The following FBXL20 variants were observed in gnomAD, a reference collection of about 807,000 sequenced individuals.
The protein encoded by FBXL20 is F-box/LRR-repeat protein 20.
In FBXL20, 11 loss-of-function variants were observed where a neutral mutation model predicts 64.0. The ratio of observed to expected loss-of-function variants is 0.17; its 90% CI spans 0.11 to 0.28. The LOEUF (loss-of-function observed/expected upper bound fraction) is 0.28, where lower values mean the gene tolerates loss of function less well. Ranked by LOEUF, FBXL20 falls within the 10% of genes least tolerant of loss-of-function variation. The pLI, the probability that FBXL20 is intolerant of heterozygous loss-of-function variation, is 1.00. For synonymous variants in FBXL20, 184 were observed against 189.0 expected, an observed-to-expected ratio of 0.97 and a Z score of 0.22; for missense variants, 303 against 526.2, an observed-to-expected ratio of 0.58 and a Z score of 4.15.
chr17:39,401,803 C>A, upstream of FBXL20: 11 of 830,402 alleles, frequency 1.3e-5, no homozygotes, highest in Non-Finnish European at 1.7e-5. Context: ...GCCCTGACGG[C>A]GCTCCCGGGA....
At position 39,261,304 on chromosome 17, in the gene FBXL20, G is replaced by GTGTA. The variant is rs1290392790; in HGVS notation, c.*152_*155dup. The stretch of plus-strand genomic sequence containing the variant: ...AGTGGATGGGGGTAAGGGTGTGTAT[G>GTGTA]TGTATGTATGTGTGGCTCTGGGGAT... On this transcript the variant is annotated 3_prime_UTR_variant, in exon 15 of 15. Transcript: ENST00000264658. 4 of 662,980 alleles carry GTGTA rather than the reference G, an allele frequency of 6.0e-6. No individual in the cohort carries two copies. The highest frequency in any genetic ancestry group is 3.5e-5 in the African/African-American group (2 of 56,616). 41.1% of individuals were successfully genotyped at this position (662,980 alleles called of 1,614,324 possible). A position where few individuals can be genotyped will look rare whatever the true frequency, so the allele number is the denominator to read the frequency against.
intron 4 of FBXL20, among the ~76,000 whole-genome samples, chr17:39,299,459 A>T (rs1175140240): frequency 1.3e-5 from 2 of 152,206 alleles, no homozygotes; most frequent in Non-Finnish European, 2.9e-5. Context: ...TACTCTGCTT[A>T]TAGTAGAGAC....
At chr17:39,323,922 C>T (rs554592513) in intron 2 of FBXL20, among the ~76,000 whole-genome samples, 15 of 150,564 alleles carry the variant, frequency 1.0e-4, no homozygotes, top group East Asian at 1.9e-4. Context: ...CCTGCCACCA[C>T]GCCTGGCTAT....
At chr17:39,378,732 C>A (rs1951493402) in intron 1 of FBXL20, among the ~76,000 whole-genome samples, 1 of 151,600 alleles carries the variant, frequency 6.6e-6, no homozygotes, top group African/African-American at 2.4e-5. Flanking sequence ...GCCTCAGCCT[C>A]CCAAGTAGCT....
At chr17:39,275,312 A>G (rs555527566) in intron 9 of FBXL20, among the ~76,000 whole-genome samples, 1 of 152,230 alleles carries the variant, frequency 6.6e-6, no homozygotes, top group Non-Finnish European at 1.5e-5. Flanking sequence ...GGAAGAAGCT[A>G]TAATAGAATC....
In FBXL20 at chr17:39,271,408, G is replaced by A. The variant is rs866467629; in HGVS notation, c.828-552C>T. ...AGGTCAGGAGTTCGAGACCAGCCTGGCCAACACGGTGAAACCCCATTTCTA... is the reference window on the plus strand; with the variant it reads ...AGGTCAGGAGTTCGAGACCAGCCTGACCAACACGGTGAAACCCCATTTCTA... On this transcript the variant is annotated intron_variant, in intron 10 of 14. Coordinates refer to ENST00000264658, the MANE Select transcript of FBXL20 (RefSeq NM_032875.3). 2.0e-5 allele frequency among the ~76,000 whole-genome samples: 3 copies of A among 151,322 alleles called. No homozygotes were observed. The South Asian group carries it at 6.3e-4, about 32-fold the overall frequency.
intron 1 of FBXL20, among the ~76,000 whole-genome samples, chr17:39,399,712 A>G (rs149930714): frequency 0.012 from 1,826 of 152,324 alleles, 70 homozygotes; most frequent in Non-Finnish European, 1.0e-2. Context: ...CTCTTAATAC[A>G]GCAACAAATT....
chr17:39,320,307 T>C (rs576624860), intron 2 of FBXL20, among the ~76,000 whole-genome samples: 7 of 152,306 alleles, frequency 4.6e-5, no homozygotes, highest in African/African-American at 1.7e-4. Flanking sequence ...TTATAGCTAC[T>C]TTAAAATTTT....
chr17:39,255,244 T>C lies in FBXL20; in HGVS notation c.*6216A>G, dbSNP rs2046684754. ...TGAGGTCAGGAGATCGAGACCATCC[T>C]GGCTAACAGGGTGAAACCCCGTCTC... On this transcript the variant is annotated 3_prime_UTR_variant, in exon 15 of 15. Coordinates refer to ENST00000264658, the MANE Select transcript of FBXL20 (RefSeq NM_032875.3). 1 of 151,768 alleles carries C rather than the reference T, an allele frequency of 6.6e-6. No homozygotes were observed. The highest frequency in any genetic ancestry group is 2.4e-5 in the African/African-American group (1 of 41,256). 9.4% of individuals were successfully genotyped at this position (151,768 alleles called of 1,614,324 possible).
chr17:39,370,811 GAA>G (rs2047911037), intron 1 of FBXL20, among the ~76,000 whole-genome samples: 1 of 147,634 alleles, frequency 6.8e-6, no homozygotes, highest in African/African-American at 2.5e-5. Flanking sequence ...AAAAAAAAAA[GAA>G]AAGAAAACAT....
intron 6 of FBXL20, among the ~76,000 whole-genome samples, chr17:39,293,260 C>T (rs1479396773): frequency 1.4e-4 from 21 of 145,014 alleles, no homozygotes; most frequent in African/African-American, 4.3e-4. Context: ...CTCGCTCTGT[C>T]GCCCAGGCTG....
intron 1 of FBXL20, among the ~76,000 whole-genome samples, chr17:39,385,425 T>G (rs1241968857): frequency 6.6e-6 from 1 of 152,146 alleles, no homozygotes; most frequent in African/African-American, 2.4e-5. Context: ...AATAGAAAAT[T>G]GTATTTTAAC....
chr17:39,327,628 A>AT (rs200009338), intron 2 of FBXL20, among the ~76,000 whole-genome samples: 2,177 of 152,300 alleles, frequency 0.014, 53 homozygotes, highest in African/African-American at 0.049. Context: ...CAAAAACCAT[A>AT]TATTTATTAA....
chr17:39,366,563 A>C (rs1261001191), intron 1 of FBXL20, among the ~76,000 whole-genome samples: 1 of 152,222 alleles, frequency 6.6e-6, no homozygotes, highest in Admixed American at 6.5e-5. Flanking sequence ...ATGAAAAAAC[A>C]GCTCATGGGA....
chr17:39,357,397 A>G (rs1280547493), intron 1 of FBXL20, among the ~76,000 whole-genome samples: 1 of 151,996 alleles, frequency 6.6e-6, no homozygotes, highest in Non-Finnish European at 1.5e-5. Context: ...CCATTAATCT[A>G]TACATATATC....
chr17:39,268,737 A>T, intron 12 of FBXL20, 90 bp downstream of exon 12: 2 of 1,135,894 alleles, frequency 1.8e-6, no homozygotes, highest in Non-Finnish European at 2.6e-6. Context: ...ACAGTATCCT[A>T]CACTAGGGTA....
chr17:39,270,268 G>A (rs1400230325), intron 11 of FBXL20, among the ~76,000 whole-genome samples: 1 of 152,150 alleles, frequency 6.6e-6, no homozygotes, highest in African/African-American at 2.4e-5. Flanking sequence ...TCATGGGTGG[G>A]TGCAGTGGCT....
chr17:39,362,781 T>C (rs2047811095), intron 1 of FBXL20, among the ~76,000 whole-genome samples: 1 of 150,498 alleles, frequency 6.6e-6, no homozygotes. Flanking sequence ...CACACCCAGC[T>C]AGTTTTTTTG....
At chr17:39,276,219 A>G (rs1362554618) in intron 9 of FBXL20, among the ~76,000 whole-genome samples, 1 of 147,966 alleles carries the variant, frequency 6.8e-6, no homozygotes, top group African/African-American at 2.5e-5. Context: ...AGAGCAAGAA[A>G]AGAAAAAAAA....
Sources: allele counts gnomAD v4.1 joint callset (sites outside exome capture counted in the v4.1 genomes callset), GRCh38; gene constraint gnomAD v4.1.1; transcripts MANE v1.5; gene names NCBI Gene and HGNC (gene_info 2026-07-23, HGNC 2026-07-21).